Variants in SORCS1 observed in about 807,000 individuals in gnomAD.
The protein encoded by SORCS1 is sortilin related VPS10 domain containing receptor 1.
Under a neutral mutation model 146.1 loss-of-function variants are expected in SORCS1, and 60 were observed. That is an observed-to-expected ratio of 0.41 (90% CI 0.33 to 0.51). The LOEUF is 0.51. SORCS1 is among the 20% of genes least tolerant of loss of function. The probability of loss-of-function intolerance (pLI) is 0.21; values close to 1 mark genes in which losing one functional copy is unlikely to be tolerated. For missense variants in SORCS1, 1,352 were observed against 1,487.6 expected (o/e 0.91, Z 1.50); for synonymous variants, 637 against 584.0 (o/e 1.09, Z -1.31).
At chr10:106,800,763 G>A (rs567712343) in intron 3 of SORCS1, among the ~76,000 whole-genome samples, 7 of 151,980 alleles carry the variant, frequency 4.6e-5, no homozygotes, top group East Asian at 3.9e-4. Flanking sequence ...GGATGGTCTC[G>A]ATCTCCTGAC....
At chr10:107,047,196 C>T (rs1959582087) in intron 1 of SORCS1, among the ~76,000 whole-genome samples, 1 of 152,000 alleles carries the variant, frequency 6.6e-6, no homozygotes, top group Non-Finnish European at 1.5e-5. Context: ...ACCATGTTGG[C>T]CAGCCTGGTC....
At chr10:106,877,804 G>A (rs1420759521) in intron 2 of SORCS1, among the ~76,000 whole-genome samples, 1 of 152,130 alleles carries the variant, frequency 6.6e-6, no homozygotes, top group African/African-American at 2.4e-5. Context: ...GCAGAGAAGA[G>A]AGGCAATGGG....
chr10:106,726,015 C>T (rs572663294), intron 6 of SORCS1, among the ~76,000 whole-genome samples: 1 of 151,658 alleles, frequency 6.6e-6, no homozygotes, highest in African/African-American at 2.4e-5. Context: ...GAGACTGTAA[C>T]CTGATTTTGA....
chr10:106,944,871 C>CTTTTTTTTTTTTTTTTTTTTTTTTT lies in SORCS1; in HGVS notation c.626+11641_626+11642insAAAAAAAAAAAAAAAAAAAAAAAAA, dbSNP rs1564838013. Among the ~76,000 whole-genome samples, 6 of 61,024 alleles carry CTTTTTTTTTTTTTTTTTTTTTTTTT rather than the reference C, an allele frequency of 9.8e-5. 1 individual carries two copies. Among genetic ancestry groups the CTTTTTTTTTTTTTTTTTTTTTTTTT allele is most frequent in the African/African-American group, 1.8e-4 (4 of 22,372 alleles). 40.0% of individuals were successfully genotyped at this position (61,024 alleles called of 152,430 possible). A position where few individuals can be genotyped will look rare whatever the true frequency, so the allele number is the denominator to read the frequency against. On this transcript the variant is annotated intron_variant, in intron 2 of 25. Coordinates refer to ENST00000263054, the MANE Select transcript of SORCS1 (RefSeq NM_052918.5). ...ATGGTAGAAAGAAGCAAGAAAGAGC[C>CTTTTTTTTTTTTTTTTTTTTTTTTT]TTCTTTTTTTTTTTTTTTTTTTTTT...
At chr10:106,840,305 A>C (rs1948969239) in intron 2 of SORCS1, among the ~76,000 whole-genome samples, 1 of 152,164 alleles carries the variant, frequency 6.6e-6, no homozygotes, top group Non-Finnish European at 1.5e-5. Context: ...TAATTCCAAT[A>C]CTCATGGATG....
chr10:106,858,691 T>C (rs1949887571), intron 2 of SORCS1, among the ~76,000 whole-genome samples: 1 of 151,914 alleles, frequency 6.6e-6, no homozygotes, highest in Non-Finnish European at 1.5e-5. Context: ...CTGCTGTAGG[T>C]TACCCTTACC....
intron 1 of SORCS1, among the ~76,000 whole-genome samples, chr10:107,131,396 A>G (rs758823615): frequency 6.6e-6 from 1 of 152,200 alleles, no homozygotes. Context: ...GCTGCAGACC[A>G]TCTCTTGGAT....
At chr10:106,839,507 G>T (rs1948928780) in intron 2 of SORCS1, among the ~76,000 whole-genome samples, 1 of 152,198 alleles carries the variant, frequency 6.6e-6, no homozygotes, top group Non-Finnish European at 1.5e-5. Flanking sequence ...GAGGAAAAAA[G>T]CCTTCTCTAT....
At chr10:106,835,111 G>T (rs969726001) in intron 2 of SORCS1, among the ~76,000 whole-genome samples, 7 of 152,140 alleles carry the variant, frequency 4.6e-5, no homozygotes, top group Non-Finnish European at 1.0e-4. Context: ...ACCACCATCT[G>T]AGGCATCCCA....
chr10:106,587,080 A>G (rs1162385063), intron 24 of SORCS1, among the ~76,000 whole-genome samples: 1 of 152,240 alleles, frequency 6.6e-6, no homozygotes, highest in Non-Finnish European at 1.5e-5. Context: ...ACTATTGTTT[A>G]TAACACCATA....
At chr10:107,111,119 C>T (rs551726210) in intron 1 of SORCS1, among the ~76,000 whole-genome samples, 1 of 152,318 alleles carries the variant, frequency 6.6e-6, no homozygotes, top group South Asian at 2.1e-4. Context: ...GCGGTATTTG[C>T]TCCTGCAAAT....
chr10:107,024,996 G>A (rs1480664082), intron 1 of SORCS1, among the ~76,000 whole-genome samples: 1 of 152,186 alleles, frequency 6.6e-6, no homozygotes, highest in Non-Finnish European at 1.5e-5. Flanking sequence ...AGTATTATCA[G>A]TACTAGAGTG....
At chr10:106,718,400 T>A (rs368543694) in intron 6 of SORCS1, among the ~76,000 whole-genome samples, 24 of 152,164 alleles carry the variant, frequency 1.6e-4, no homozygotes, top group African/African-American at 5.5e-4. Context: ...CGGTGAGTGT[T>A]ACAGTTCTTA....
intron 1 of SORCS1, among the ~76,000 whole-genome samples, chr10:107,129,245 T>A (rs530771298): frequency 1.3e-5 from 2 of 152,348 alleles, no homozygotes; most frequent in East Asian, 3.9e-4. Context: ...CTGTCTGCTG[T>A]CATTCATTTA....
chr10:107,045,777 T>C (rs967238624), intron 1 of SORCS1, among the ~76,000 whole-genome samples: 3 of 150,774 alleles, frequency 2.0e-5, no homozygotes, highest in Non-Finnish European at 3.0e-5. Context: ...TGAATATATA[T>C]CTTCTTTTTT....
intron 2 of SORCS1, among the ~76,000 whole-genome samples, chr10:106,859,861 C>A (rs1279289360): frequency 1.3e-5 from 2 of 152,306 alleles, no homozygotes; most frequent in East Asian, 3.9e-4. Context: ...CTACTAGGAG[C>A]AAAATGCATT....
chr10:106,937,650 G>A (rs760239485), intron 2 of SORCS1, among the ~76,000 whole-genome samples: 5 of 152,046 alleles, frequency 3.3e-5, no homozygotes, highest in Non-Finnish European at 7.4e-5. Flanking sequence ...CCAGTCTCAG[G>A]CATTTCTTCA....
At chr10:106,876,999 G>A (rs544671768) in intron 2 of SORCS1, among the ~76,000 whole-genome samples, 1 of 152,144 alleles carries the variant, frequency 6.6e-6, no homozygotes, top group African/African-American at 2.4e-5. Context: ...AAAGTGCCTA[G>A]CATAAAGTCT....
chr10:106,618,300 G>T, intron 20 of SORCS1, 28 bp from the exon 21 acceptor site: 2 of 1,605,058 alleles, frequency 1.2e-6, no homozygotes, highest in South Asian at 1.1e-5. Context: ...CCAGAGTGAA[G>T]GGAAAGCTCT....
Sources: gnomAD v4.1 joint callset for allele counts (sites outside exome capture counted in the v4.1 genomes callset) on GRCh38, gnomAD v4.1.1 for gene constraint, MANE v1.5 for transcripts, NCBI Gene and HGNC (gene_info 2026-07-23, HGNC 2026-07-21) for gene names.